KLF8: variants seen among roughly 807,000 people sequenced by gnomAD.
The protein encoded by KLF8 is Krueppel-like factor 8.
KLF8 carries 10 observed loss-of-function variants against 18.2 expected under a neutral mutation model. The observed-to-expected ratio is 0.55, with a 90% CI of 0.34 to 0.93. The LOEUF (loss-of-function observed/expected upper bound fraction) is 0.93, where lower values mean the gene tolerates loss of function less well. Among genes scored for constraint, KLF8 ranks in the 40% least tolerant of loss-of-function variants. The pLI is 0.02. For missense variants in KLF8, 264 were observed against 277.9 expected, an observed-to-expected ratio of 0.95 and a Z score of 0.36; for synonymous variants, 109 against 97.3, an observed-to-expected ratio of 1.12 and a Z score of -0.71.
chrX:56,073,214 C>A, the KLF8 span, among the ~76,000 whole-genome samples: 1 of 111,390 alleles, frequency 9.0e-6, no homozygotes, highest in East Asian at 2.8e-4. Context: ...GTCTTGATCT[C>A]CTGACCTCGT....
the KLF8 span, among the ~76,000 whole-genome samples, chrX:56,080,939 A>AT: frequency 1.8e-5 from 2 of 110,905 alleles, no homozygotes; most frequent in African/African-American, 6.6e-5. Context: ...AGTTGATTGC[A>AT]TCGGCTCCTG....
the KLF8 span, among the ~76,000 whole-genome samples, chrX:56,168,561 C>A: frequency 9.0e-6 from 1 of 111,480 alleles, no homozygotes; most frequent in Non-Finnish European, 1.9e-5. Flanking sequence ...AGGTTTGTTA[C>A]CTATGTATAC....
chrX:56,055,949 T>C, the KLF8 span, among the ~76,000 whole-genome samples: 1 of 111,957 alleles, frequency 8.9e-6, no homozygotes, highest in Non-Finnish European at 1.9e-5. Flanking sequence ...GGCTATTTTA[T>C]CTTTCAGCTC....
chrX:56,257,698 T>A (rs2066818112), intron 2 of KLF8, among the ~76,000 whole-genome samples: 1 of 112,506 alleles, frequency 8.9e-6, no homozygotes, highest in Non-Finnish European at 1.9e-5. Context: ...TTTGTTCTTA[T>A]TTATGTCTAC....
chrX:56,154,704 A>G, the KLF8 span, among the ~76,000 whole-genome samples: 1 of 112,159 alleles, frequency 8.9e-6, no homozygotes, highest in African/African-American at 3.2e-5. Flanking sequence ...CGATGTTCTC[A>G]TCTGACAAAG....
At chrX:56,268,564 TACCGATAC>T in intron 3 of KLF8, 1 of 203,601 alleles carries the variant, frequency 4.9e-6, no homozygotes, top group Non-Finnish European at 7.4e-6. Context: ...AATTGTAGGA[TACCGATAC>T]ATGTATATCA....
At chrX:56,052,859 C>G in the KLF8 span, among the ~76,000 whole-genome samples, 463 of 111,647 alleles carry the variant, frequency 4.1e-3, 1 homozygote, top group South Asian at 0.024. Flanking sequence ...GGGCACCCCT[C>G]CCCCAGCCTC....
At chrX:56,243,676 C>T (rs1226993182) in intron 1 of KLF8, among the ~76,000 whole-genome samples, 1 of 108,155 alleles carries the variant, frequency 9.2e-6, no homozygotes, top group African/African-American at 3.4e-5. Context: ...GCTGGGATTG[C>T]AGGCATGCAC....
chrX:55,946,905 A>G, the KLF8 span, among the ~76,000 whole-genome samples: 1 of 112,111 alleles, frequency 8.9e-6, no homozygotes, highest in Non-Finnish European at 1.9e-5. Flanking sequence ...ATCACTGGCC[A>G]TCAGAGAAAT....
chrX:56,088,367 A>G, the KLF8 span, among the ~76,000 whole-genome samples: 1 of 109,897 alleles, frequency 9.1e-6, no homozygotes, highest in East Asian at 2.8e-4. Context: ...ACATCTAAAT[A>G]ATGTAAATCA....
the KLF8 span, among the ~76,000 whole-genome samples, chrX:55,943,989 T>A: frequency 8.9e-6 from 1 of 112,522 alleles, no homozygotes; most frequent in Non-Finnish European, 1.9e-5. Context: ...TTTATTCTTT[T>A]TGATAGAAAT....
the KLF8 span, among the ~76,000 whole-genome samples, chrX:55,923,511 A>T: frequency 8.3e-5 from 9 of 108,183 alleles, no homozygotes; most frequent in East Asian, 2.9e-4. Context: ...GTTGGAAATT[A>T]AAAAAAAAAC....
the KLF8 span, among the ~76,000 whole-genome samples, chrX:55,949,726 G>A: frequency 2.8e-4 from 31 of 109,265 alleles, no homozygotes; most frequent in Admixed American, 3.0e-3. Flanking sequence ...GGGAGGCAGG[G>A]GTTGCAGTGA....
the KLF8 span, among the ~76,000 whole-genome samples, chrX:56,141,667 T>C: frequency 9.0e-6 from 1 of 111,501 alleles, no homozygotes; most frequent in Non-Finnish European, 1.9e-5. Flanking sequence ...GTAAAACTGT[T>C]CATATTTATG....
chrX:56,107,988 T>C, the KLF8 span, among the ~76,000 whole-genome samples: 2 of 112,310 alleles, frequency 1.8e-5, no homozygotes, highest in African/African-American at 6.5e-5. Context: ...TAAATGGAAT[T>C]TAAAAAAATC....
chrX:56,290,500 A>G lies in KLF8; in HGVS notation c.*6006A>G, dbSNP rs1056468332. Among the ~76,000 whole-genome samples, 2 of 111,682 alleles carry G rather than the reference A, an allele frequency of 1.8e-5. No homozygotes were observed. Among genetic ancestry groups the G allele is most frequent in the Non-Finnish European group, 3.8e-5 (2 of 53,099 alleles). On this transcript the variant is annotated 3_prime_UTR_variant, in exon 6 of 6. Coordinates refer to ENST00000468660, the MANE Select transcript of KLF8 (RefSeq NM_007250.5). ...CTTTCCCTATATCTTCTTTGTTACTAACAATACGATTATCATCTGTTTCCA... is the reference window on the plus strand; with the variant it reads ...CTTTCCCTATATCTTCTTTGTTACTGACAATACGATTATCATCTGTTTCCA...
chrX:56,237,401 G>A (rs1403393219), intron 1 of KLF8, among the ~76,000 whole-genome samples: 1 of 103,648 alleles, frequency 9.6e-6, no homozygotes, highest in African/African-American at 3.8e-5. Context: ...ATATATATAT[G>A]TGTGTGTGTG....
rs2067309878 is a variant in KLF8 at position 56,290,316 on chromosome X, G to A, written c.*5822G>A. On this transcript the variant is annotated 3_prime_UTR_variant, in exon 6 of 6. Transcript: ENST00000468660. ...GAAAGATCTTTAAGTGAACAACCAA[G>A]TATTATAACCATTGTTATAATGATA... Among the ~76,000 whole-genome samples the A allele has an allele frequency of 9.0e-6, 1 of 111,493 alleles. No individual in the cohort carries two copies. The highest frequency in any genetic ancestry group is 9.5e-5 in the Admixed American group (1 of 10,484).
the KLF8 span, among the ~76,000 whole-genome samples, chrX:56,148,997 TA>T: frequency 1.4e-4 from 16 of 112,247 alleles, no homozygotes; most frequent in African/African-American, 4.8e-4. Flanking sequence ...ATAGCCCATA[TA>T]AAGGGTTTTC....
Sources: allele counts gnomAD v4.1 joint callset (sites outside exome capture counted in the v4.1 genomes callset), GRCh38; gene constraint gnomAD v4.1.1; transcripts MANE v1.5; gene names NCBI Gene and HGNC (gene_info 2026-07-23, HGNC 2026-07-21).